MYO6: variants seen among roughly 807,000 people sequenced by gnomAD.
MYO6 encodes unconventional myosin-VI.
A neutral mutation model predicts 178.7 loss-of-function variants in MYO6; 74 were observed. That is an observed-to-expected ratio of 0.41 (90% CI 0.34 to 0.50). The LOEUF is 0.50. Ranked by LOEUF, MYO6 falls within the 20% of genes least tolerant of loss-of-function variation. The pLI is 0.09. For synonymous variants in MYO6, 477 were observed against 504.6 expected, an observed-to-expected ratio of 0.95 and a Z score of 0.73; for missense variants, 1,330 against 1,547.4, an observed-to-expected ratio of 0.86 and a Z score of 2.36.
At chr6:75,859,669 T>G (rs1236783630) in intron 14 of MYO6, among the ~76,000 whole-genome samples, 2 of 143,400 alleles carry the variant, frequency 1.4e-5, no homozygotes, top group South Asian at 2.2e-4. Context: ...CTCCCACTCT[T>G]TTTTTTTTTT....
intron 18 of MYO6, among the ~76,000 whole-genome samples, chr6:75,867,994 A>G (rs1055083092): frequency 6.6e-6 from 1 of 152,086 alleles, no homozygotes; most frequent in Non-Finnish European, 1.5e-5. Context: ...TTATTGTTAT[A>G]TTTATAATAA....
intron 1 of MYO6, among the ~76,000 whole-genome samples, chr6:75,777,957 TTTGA>T (rs575365222): frequency 3.3e-5 from 5 of 152,136 alleles, no homozygotes; most frequent in Non-Finnish European, 7.4e-5. Flanking sequence ...AAATGGATAT[TTTGA>T]TTGTTAATTA....
chr6:75,905,489 C>T (rs974086897), intron 30 of MYO6, among the ~76,000 whole-genome samples: 13 of 152,212 alleles, frequency 8.5e-5, no homozygotes, highest in African/African-American at 1.4e-4. Context: ...TTCCAGGTGC[C>T]GTCTGTCACC....
intron 17 of MYO6, 110 bp from the exon 18 acceptor site, chr6:75,866,822 T>C: frequency 8.1e-7 from 1 of 1,237,606 alleles, no homozygotes. Context: ...CGTTGGACAG[T>C]GCAGATACAG....
At position 75,914,149 on chromosome 6, in the gene MYO6, A is replaced by G. The variant is rs755922465; in HGVS notation, c.3526A>G (p.Ile1176Val). 5.0e-6 allele frequency: 8 copies of G among 1,614,158 alleles called. 1 individual carries two copies. The South Asian group carries it at 7.7e-5, about 16-fold the overall frequency. Reference protein sequence around the residue: ...RQQRFFRIPFIRPADQYKDPQ... With the variant: ...RQQRFFRIPFVRPADQYKDPQ... ...GCAACGCTTCTTCCGCATCCCATTCATCCGCCCTGCCGACCAGTACAAAGA... is the reference window on the plus strand; with the variant it reads ...GCAACGCTTCTTCCGCATCCCATTCGTCCGCCCTGCCGACCAGTACAAAGA... Residue 1176 changes from isoleucine to valine, a missense_variant, in exon 34 of 35, where the codon ATC (isoleucine) becomes GTC (valine). Physicochemically the swap from Ile to Val is conservative, Grantham distance 29. Coordinates refer to ENST00000369977, the MANE Select transcript of MYO6 (RefSeq NM_004999.4).
intron 1 of MYO6, among the ~76,000 whole-genome samples, chr6:75,790,542 T>C (rs1768121338): frequency 1.3e-5 from 2 of 152,030 alleles, no homozygotes; most frequent in South Asian, 2.1e-4. Context: ...CCATCACCCC[T>C]GGCTTATTTT....
chr6:75,761,775 T>G (rs1777974090), intron 1 of MYO6, among the ~76,000 whole-genome samples: 1 of 150,758 alleles, frequency 6.6e-6, no homozygotes, highest in South Asian at 2.1e-4. Context: ...ATAACACTGA[T>G]ATAGGTTAGT....
At chr6:75,769,855 G>A (rs560956661) in intron 1 of MYO6, among the ~76,000 whole-genome samples, 3 of 152,238 alleles carry the variant, frequency 2.0e-5, no homozygotes, top group East Asian at 3.9e-4. Context: ...AGCTGAGATC[G>A]TGCCATTGCA....
intron 1 of MYO6, among the ~76,000 whole-genome samples, chr6:75,802,621 G>T (rs980348940): frequency 6.6e-6 from 1 of 151,728 alleles, no homozygotes; most frequent in Non-Finnish European, 1.5e-5. Flanking sequence ...CGCCAGCTGG[G>T]ACCACAGGCA....
At chr6:75,872,998 T>C (rs1295212037) in intron 19 of MYO6, among the ~76,000 whole-genome samples, 3 of 152,166 alleles carry the variant, frequency 2.0e-5, no homozygotes, top group Admixed American at 6.6e-5. Context: ...GGTCTTGAAC[T>C]CCTGACCTCA....
intron 1 of MYO6, among the ~76,000 whole-genome samples, chr6:75,760,971 T>A (rs1197875162): frequency 6.6e-6 from 1 of 152,144 alleles, no homozygotes; most frequent in Non-Finnish European, 1.5e-5. Context: ...TAAAATTAGA[T>A]GAACCAGCTG....
intron 23 of MYO6, among the ~76,000 whole-genome samples, chr6:75,882,427 T>G (rs1279636902): frequency 6.6e-6 from 1 of 152,202 alleles, no homozygotes; most frequent in Non-Finnish European, 1.5e-5. Flanking sequence ...TTATTTGATG[T>G]CTTTCAAGAT....
In MYO6 at chr6:75,886,825, T is replaced by C. The variant is rs750282752; in HGVS notation, c.2508-19T>C. 5.6e-6 allele frequency: 9 copies of C among 1,612,572 alleles called. No individual in the cohort carries two copies. The highest frequency in any genetic ancestry group is 7.6e-6 in the Non-Finnish European group (9 of 1,179,066). The stretch of plus-strand genomic sequence containing the variant: ...ACTAAAGGATGAAATTAAGCTCTAA[T>C]GAAGTATTATTTTTACAGCATTGAT... On this transcript the variant is annotated intron_variant, in intron 24 of 34. Transcript: ENST00000369977.
intron 3 of MYO6, among the ~76,000 whole-genome samples, chr6:75,825,060 T>C (rs1772319102): frequency 6.6e-6 from 1 of 152,142 alleles, no homozygotes; most frequent in South Asian, 2.1e-4. Context: ...CACCGAGCTA[T>C]AGCTCTGAGT....
intron 11 of MYO6, among the ~76,000 whole-genome samples, chr6:75,852,699 G>A (rs765137105): frequency 1.6e-4 from 25 of 152,012 alleles, no homozygotes; most frequent in Non-Finnish European, 2.8e-4. Flanking sequence ...TTTTATTGCC[G>A]AATAATATTT....
At chr6:75,847,690 C>CATAT (rs1774864857) in intron 10 of MYO6, among the ~76,000 whole-genome samples, 1 of 151,634 alleles carries the variant, frequency 6.6e-6, no homozygotes, top group South Asian at 2.1e-4. Context: ...TATATATATG[C>CATAT]ATATAAAAAG....
Position 75,862,989 on chromosome 6 carries a change from G to A in MYO6, c.1674+266G>A, listed in dbSNP as rs6453844. Among the ~76,000 whole-genome samples the A allele has an allele frequency of 3.0e-3, 459 of 152,290 alleles. 1 individual carries two copies. Among genetic ancestry groups the A allele is most frequent in the African/African-American group, 0.01 (430 of 41,558 alleles). The stretch of plus-strand genomic sequence containing the variant: ...GCCTGTAGTCTGAGATACTAGGGAA[G>A]CTGAGGTGGGAGGACAGCTTGAGCC... On this transcript the variant is annotated intron_variant, in intron 16 of 34. Transcript: ENST00000369977.
chr6:75,884,225 G>T (rs2149353091), intron 23 of MYO6, among the ~76,000 whole-genome samples: 1 of 152,274 alleles, frequency 6.6e-6, no homozygotes, highest in East Asian at 1.9e-4. Context: ...GATCATCCTA[G>T]GAAATTGTGA....
At chr6:75,800,517 G>A (rs1769344207) in intron 1 of MYO6, among the ~76,000 whole-genome samples, 1 of 152,024 alleles carries the variant, frequency 6.6e-6, no homozygotes, top group African/African-American at 2.4e-5. Context: ...GTGAGACCCT[G>A]TCTCAAAAAA....
Sources: gnomAD v4.1 joint callset for allele counts (sites outside exome capture counted in the v4.1 genomes callset) on GRCh38, gnomAD v4.1.1 for gene constraint, MANE v1.5 for transcripts, NCBI Gene and HGNC (gene_info 2026-07-23, HGNC 2026-07-21) for gene names.